The following CYFIP1 variants were observed in gnomAD, a reference collection of about 807,000 sequenced individuals.
The protein encoded by CYFIP1 is cytoplasmic FMR1 interacting protein 1.
A neutral mutation model predicts 163.5 loss-of-function variants in CYFIP1; 58 were observed. The observed-to-expected ratio is 0.35, with a 90% CI of 0.29 to 0.44. The LOEUF (loss-of-function observed/expected upper bound fraction) is 0.44, where lower values mean the gene tolerates loss of function less well. Ranked by LOEUF, CYFIP1 falls within the 20% of genes least tolerant of loss-of-function variation. The pLI, the probability that CYFIP1 is intolerant of heterozygous loss-of-function variation, is 1.00. For synonymous variants in CYFIP1, 663 were observed against 660.7 expected (o/e 1.00, Z -0.05); for missense variants, 1,338 against 1,653.8 (o/e 0.81, Z 3.31).
chr15:22,980,514 T>G (rs1387377841), upstream of CYFIP1: 1 of 151,326 alleles, frequency 6.6e-6, no homozygotes, highest in East Asian at 2.0e-4. Flanking sequence ...GGGCGGCCCC[T>G]TTCCCCACGC....
intron 22 of CYFIP1, among the ~76,000 whole-genome samples, chr15:22,894,281 T>TC (rs1858616645): frequency 7.6e-6 from 1 of 130,892 alleles, no homozygotes; most frequent in Non-Finnish European, 1.6e-5. Context: ...GACTTTTCTT[T>TC]TTTTTTTTTT....
intron 22 of CYFIP1, among the ~76,000 whole-genome samples, chr15:22,900,119 T>A (rs2060348465): frequency 6.6e-6 from 1 of 152,154 alleles, no homozygotes. Flanking sequence ...CACATATGTG[T>A]CTGGCTAAGA....
intron 16 of CYFIP1, among the ~76,000 whole-genome samples, chr15:22,915,474 G>A (rs2060941352): frequency 6.6e-6 from 1 of 152,058 alleles, no homozygotes; most frequent in Non-Finnish European, 1.5e-5. Flanking sequence ...CTTCTGGCTG[G>A]GCACAGTGGC....
chr15:22,952,208 CAG>C (rs1464302400), intron 1 of CYFIP1, among the ~76,000 whole-genome samples: 1 of 152,054 alleles, frequency 6.6e-6, no homozygotes, highest in Non-Finnish European at 1.5e-5. Flanking sequence ...GAAAGGAGAA[CAG>C]TGGTGACAGG....
Position 22,892,956 on chromosome 15 carries a change from T to C in CYFIP1, c.2610A>G (p.Pro870=). 1 of 1,613,152 alleles carries C rather than the reference T, an allele frequency of 6.2e-7. No homozygotes were observed. The highest frequency in any genetic ancestry group is 8.5e-7 in the Non-Finnish European group (1 of 1,179,404). ...STNRFVRTVL[P]FSQEFQRDKQ... is the part of the protein sequence containing the mutation. ...TATCTCTTTGAAATTCCTGAGAAAATGGTAACACTGTCCGAACAAACCTAA... is the reference window on the plus strand; with the variant it reads ...TATCTCTTTGAAATTCCTGAGAAAACGGTAACACTGTCCGAACAAACCTAA... Residue 870 remains proline, a synonymous_variant, in exon 23 of 31, where the codon CCA becomes CCG. Coordinates refer to ENST00000617928, the MANE Select transcript of CYFIP1 (RefSeq NM_014608.6).
At chr15:22,900,576 T>C (rs913826852) in intron 22 of CYFIP1, among the ~76,000 whole-genome samples, 1 of 151,700 alleles carries the variant, frequency 6.6e-6, no homozygotes, top group Non-Finnish European at 1.5e-5. Context: ...TTTTTTTGTA[T>C]TGTTTTAGTA....
chr15:22,939,167 C>T (rs767579464), intron 8 of CYFIP1, 25 bp downstream of exon 8: 19 of 1,613,744 alleles, frequency 1.2e-5, no homozygotes, highest in South Asian at 3.3e-5. Flanking sequence ...GGCAGTGCCA[C>T]GGGCTAGCGT....
At chr15:22,963,516 T>TAACATAACATAACATAACATAACATAA (rs1555423919) in intron 1 of CYFIP1, among the ~76,000 whole-genome samples, 100 of 143,970 alleles carry the variant, frequency 6.9e-4, no homozygotes, top group African/African-American at 1.9e-3. Flanking sequence ...TAACATAACA[T>TAACATAACATAACATAACATAACATAA]AACATAACAT....
At chr15:22,958,548 C>T (rs1157932599) in intron 1 of CYFIP1, among the ~76,000 whole-genome samples, 1 of 152,236 alleles carries the variant, frequency 6.6e-6, no homozygotes, top group African/African-American at 2.4e-5. Context: ...GAGCACGTCT[C>T]CACGCCACAT....
intron 1 of CYFIP1, among the ~76,000 whole-genome samples, chr15:22,965,567 G>A (rs1393335749): frequency 1.3e-5 from 2 of 152,156 alleles, no homozygotes; most frequent in Non-Finnish European, 2.9e-5. Flanking sequence ...GTACCATCTG[G>A]GTGTGTGTAA....
intron 17 of CYFIP1, among the ~76,000 whole-genome samples, chr15:22,913,300 G>A (rs1285275025): frequency 1.3e-5 from 2 of 151,250 alleles, no homozygotes; most frequent in Non-Finnish European, 2.9e-5. Flanking sequence ...AGGCCGAGGT[G>A]GGCGGATCAC....
intron 12 of CYFIP1, among the ~76,000 whole-genome samples, chr15:22,926,374 T>C (rs2061357987): frequency 6.6e-6 from 1 of 152,166 alleles, no homozygotes. Flanking sequence ...TTCATCATCA[T>C]TTTAAAAAGG....
At position 22,939,220 on chromosome 15, in the gene CYFIP1, G is replaced by A. The variant is rs750340297; in HGVS notation, c.767C>T (p.Thr256Met). The change falls in exon 8 of 31, where the codon ACG becomes ATG. Residue 256 changes from threonine (T) to methionine (M), a missense_variant. Physicochemically the swap from Thr to Met is moderately conservative, Grantham distance 81. This residue lies in a region of CYFIP1 where 824 missense variants were observed against 995.7 expected (regional missense o/e 0.83). Transcript: ENST00000617928. The part of the protein sequence containing the change: ...VDYYENRMYL[T>M]PSEKHMLLKV... ...GAGAAGCATGTGTTTCTCACTGGGCGTCAAATACATCCTGTTCTCGTAGTA... is the reference window on the plus strand; with the variant it reads ...GAGAAGCATGTGTTTCTCACTGGGCATCAAATACATCCTGTTCTCGTAGTA... The A allele has an allele frequency of 7.7e-5, 125 of 1,614,066 alleles. 1 individual carries two copies. Among genetic ancestry groups the A allele is most frequent in the South Asian group, 2.5e-4 (23 of 91,092 alleles).
chr15:22,936,304 T>C lies in CYFIP1; in HGVS notation c.900+800A>G, dbSNP rs116354587. On this transcript the variant is annotated intron_variant, in intron 9 of 30. Transcript: ENST00000617928. ...TCCAACAAAGGACATGTATCCAGAA[T>C]ATATAAAGAACTGTAAATCAATAGG... 2.5e-3 allele frequency among the ~76,000 whole-genome samples: 376 copies of C among 151,984 alleles called. 1 individual carries two copies. Among genetic ancestry groups the C allele is most frequent in the African/African-American group, 8.6e-3 (358 of 41,446 alleles).
Position 22,872,806 on chromosome 15 carries a change from G to A in CYFIP1, c.3597+19C>T, listed in dbSNP as rs569382876. ...TTTGCAAAAGGTCCATAGATGGTGC[G>A]AGATTTTCATCCACATACCACATTT... On this transcript the variant is annotated intron_variant, in intron 30 of 30. Coordinates refer to ENST00000617928, the MANE Select transcript of CYFIP1 (RefSeq NM_014608.6). 1.6e-5 allele frequency: 25 copies of A among 1,612,602 alleles called. No homozygotes were observed. Among genetic ancestry groups the A allele is most frequent in the Middle Eastern group, 1.7e-4 (1 of 6,058 alleles).
rs11545340 is a variant in CYFIP1, at chr15:22,867,231, T to A, written c.*2797A>T. Reference sequence around the variant, plus strand: ...TCAATCCCTGACCATGTAAGGCTTTTTTATTTTAAAAAAACAGAGTTATCC... The same window carrying A: ...TCAATCCCTGACCATGTAAGGCTTTATTATTTTAAAAAAACAGAGTTATCC... On this transcript the variant is annotated 3_prime_UTR_variant, in exon 31 of 31. Coordinates refer to ENST00000617928, the MANE Select transcript of CYFIP1 (RefSeq NM_014608.6). The A allele has an allele frequency of 1.8e-3, 741 of 404,236 alleles. 2 individuals carry two copies. The highest frequency in any genetic ancestry group is 0.013 in the African/African-American group (618 of 48,770). The allele number at this position is 404,236 out of a possible 1,614,324, so 25.0% of individuals were successfully genotyped here.
Position 22,909,991 on chromosome 15 carries a change from C to T in CYFIP1, c.2268+529G>A, listed in dbSNP as rs117877316. ...GCTGACCCCTCCGGGCTATGCCTGC[C>T]CCCAGGAGCCGCAGGGCAGATACAG... is the stretch of plus-strand genomic sequence containing the variant. On this transcript the variant is annotated intron_variant, in intron 20 of 30. Coordinates refer to ENST00000617928, the MANE Select transcript of CYFIP1 (RefSeq NM_014608.6). Among the ~76,000 whole-genome samples, 572 of 151,294 alleles carry T rather than the reference C, an allele frequency of 3.8e-3. 16 individuals are homozygous for T. The East Asian group carries it at 0.067, about 18-fold the overall frequency.
chr15:22,940,710 A>G (rs529286623), intron 6 of CYFIP1, among the ~76,000 whole-genome samples: 45 of 152,358 alleles, frequency 3.0e-4, no homozygotes, highest in African/African-American at 1.1e-3. Flanking sequence ...GTTAAACGTA[A>G]TATTAACTGA....
At chr15:22,961,325 A>AT (rs1365790002) in intron 1 of CYFIP1, among the ~76,000 whole-genome samples, 1 of 151,906 alleles carries the variant, frequency 6.6e-6, no homozygotes, top group East Asian at 1.9e-4. Context: ...CCTGGCCTTA[A>AT]TTTTCATTTC....
Sources: gnomAD v4.1 joint callset for allele counts (sites outside exome capture counted in the v4.1 genomes callset) on GRCh38, gnomAD v4.1.1 for gene constraint, gnomAD v4.1.1 regional missense constraint, MANE v1.5 for transcripts, NCBI Gene and HGNC (gene_info 2026-07-23, HGNC 2026-07-21) for gene names.